PIGK: variants seen among roughly 807,000 people sequenced by gnomAD.
PIGK encodes the protein phosphatidylinositol glycan anchor biosynthesis class K.
In PIGK, 42 loss-of-function variants were observed where a neutral mutation model predicts 50.6. The observed-to-expected ratio is 0.83, with a 90% CI of 0.65 to 1.07. The LOEUF is 1.07. Ranked by LOEUF, PIGK falls within the 50% of genes least tolerant of loss-of-function variation. The pLI is 0.00. For synonymous variants in PIGK, 151 were observed against 156.0 expected, an observed-to-expected ratio of 0.97 and a Z score of 0.24; for missense variants, 448 against 488.7, an observed-to-expected ratio of 0.92 and a Z score of 0.78.
chr1:77,122,274 C>T lies in PIGK; in HGVS notation c.1071+1G>A. 1 of 1,552,248 alleles carries T rather than the reference C, an allele frequency of 6.4e-7. No individual in the cohort carries two copies. Among genetic ancestry groups the T allele is most frequent in the Non-Finnish European group, 8.9e-7 (1 of 1,126,098 alleles). The stretch of plus-strand genomic sequence containing the variant: ...TCAAAAGAATAAAATGAAATGCAAA[C>T]CTGGTGTATTATCTGAGCTACAGGA... On this transcript the variant is annotated splice_donor_variant, in intron 10 of 10. Coordinates refer to ENST00000370812, the MANE Select transcript of PIGK (RefSeq NM_005482.3). LOFTEE classifies it high-confidence loss of function.
intron 3 of PIGK, among the ~76,000 whole-genome samples, chr1:77,171,462 A>AAAAAAAAAAAAT (rs1655361548): frequency 7.0e-6 from 1 of 143,576 alleles, no homozygotes; most frequent in Admixed American, 7.0e-5. Context: ...AAAAAAAAAA[A>AAAAAAAAAAAAT]AGAATATTTC....
intron 1 of PIGK, among the ~76,000 whole-genome samples, chr1:77,212,655 T>C (rs1656447215): frequency 6.6e-6 from 1 of 151,636 alleles, no homozygotes. Flanking sequence ...GGAGCAGGAG[T>C]AGCTGTACTT....
chr1:77,200,549 C>T (rs986625230), intron 3 of PIGK, among the ~76,000 whole-genome samples: 2 of 151,868 alleles, frequency 1.3e-5, no homozygotes, highest in African/African-American at 4.8e-5. Flanking sequence ...ATATTATATA[C>T]ATTTTAGAAT....
chr1:77,140,207 G>A (rs936134035), intron 9 of PIGK, among the ~76,000 whole-genome samples: 3 of 151,944 alleles, frequency 2.0e-5, no homozygotes, highest in South Asian at 2.1e-4. Context: ...AGATATGGTC[G>A]TTTAAAAGTG....
chr1:77,202,980 C>A (rs1656202628), intron 3 of PIGK, among the ~76,000 whole-genome samples: 1 of 152,192 alleles, frequency 6.6e-6, no homozygotes, highest in Non-Finnish European at 1.5e-5. Context: ...TTCCCTCAGT[C>A]AGCCTCAATT....
chr1:77,128,835 T>C (rs1000176363), intron 9 of PIGK, among the ~76,000 whole-genome samples: 2 of 152,240 alleles, frequency 1.3e-5, no homozygotes, highest in Admixed American at 6.5e-5. Context: ...ACTAGCTTTT[T>C]TCATTCAAAT....
chr1:77,181,374 T>C lies in PIGK; in HGVS notation c.240-11979A>G, dbSNP rs939505126. On this transcript the variant is annotated intron_variant, in intron 3 of 10. Transcript: ENST00000370812. ...TCCTGGACCATTAGAGTGTGAAATTTCAAAAAACACAACTTTTCGTTTGTA... is the reference window on the plus strand; with the variant it reads ...TCCTGGACCATTAGAGTGTGAAATTCCAAAAAACACAACTTTTCGTTTGTA... Among the ~76,000 whole-genome samples, 179 of 152,266 alleles carry C rather than the reference T, an allele frequency of 1.2e-3. 1 individual carries two copies. The highest frequency in any genetic ancestry group is 3.5e-4 in the Non-Finnish European group (24 of 68,006).
In PIGK at chr1:77,182,294, G is replaced by C. The variant is rs546587146; in HGVS notation, c.240-12899C>G. Among the ~76,000 whole-genome samples the C allele has an allele frequency of 7.9e-4, 121 of 152,324 alleles. 1 individual carries two copies. The highest frequency in any genetic ancestry group is 1.5e-3 in the Non-Finnish European group (104 of 68,032). The stretch of plus-strand genomic sequence containing the variant: ...GCGCAAGGGCAGGAAGCATCCAGCA[G>C]GGGAGAAAGATGTAGTATTGGAGGC... On this transcript the variant is annotated intron_variant, in intron 3 of 10. Transcript: ENST00000370812.
chr1:77,190,288 C>T (rs1180917684), intron 3 of PIGK, among the ~76,000 whole-genome samples: 1 of 152,018 alleles, frequency 6.6e-6, no homozygotes, highest in African/African-American at 2.4e-5. Flanking sequence ...GTAGTCCTAG[C>T]TACTCAGGAG....
At chr1:77,104,499 A>C (rs540675842) in intron 10 of PIGK, among the ~76,000 whole-genome samples, 1 of 152,346 alleles carries the variant, frequency 6.6e-6, no homozygotes, top group African/African-American at 2.4e-5. Flanking sequence ...AGAACAAATA[A>C]AATAGCAATA....
intron 3 of PIGK, among the ~76,000 whole-genome samples, chr1:77,199,553 TG>T (rs1404568196): frequency 1.8e-4 from 28 of 151,930 alleles, no homozygotes. Flanking sequence ...TCACCAAATA[TG>T]ATTATCAATA....
intron 8 of PIGK, among the ~76,000 whole-genome samples, chr1:77,158,010 TTTTG>T (rs926706121): frequency 1.3e-5 from 2 of 152,026 alleles, no homozygotes; most frequent in Non-Finnish European, 2.9e-5. Flanking sequence ...TTTTTGTTAT[TTTTG>T]TTTGTTTGTT....
intron 9 of PIGK, among the ~76,000 whole-genome samples, chr1:77,124,524 G>A (rs1443343517): frequency 6.6e-6 from 1 of 151,804 alleles, no homozygotes; most frequent in Admixed American, 6.6e-5. Flanking sequence ...CAGGAGAACT[G>A]CTTGAACCCG....
intron 3 of PIGK, among the ~76,000 whole-genome samples, chr1:77,185,165 G>A (rs1455177803): frequency 6.6e-6 from 1 of 152,166 alleles, no homozygotes; most frequent in Non-Finnish European, 1.5e-5. Flanking sequence ...TGTCTACAAG[G>A]CCCACCAGAA....
intron 10 of PIGK, among the ~76,000 whole-genome samples, chr1:77,114,263 A>T (rs1292655424): frequency 6.6e-6 from 1 of 152,158 alleles, no homozygotes; most frequent in African/African-American, 2.4e-5. Context: ...AGAAGATCTT[A>T]GGCAAATTAT....
At chr1:77,152,319 C>T (rs2100549987) in intron 9 of PIGK, among the ~76,000 whole-genome samples, 1 of 152,104 alleles carries the variant, frequency 6.6e-6, no homozygotes, top group South Asian at 2.1e-4. Context: ...GAAACTAGAT[C>T]CCCAACTTTC....
chr1:77,154,731 T>A (rs1425891177), intron 8 of PIGK, 110 bp from the exon 9 acceptor site: 1 of 712,980 alleles, frequency 1.4e-6, no homozygotes, highest in African/African-American at 1.8e-5. Flanking sequence ...TCTCCCAACC[T>A]AAAGAAGCTA....
rs147495697 is a variant in PIGK, at chr1:77,159,986, A to G, written c.813+1309T>C. Among the ~76,000 whole-genome samples, 619 of 152,278 alleles carry G rather than the reference A, an allele frequency of 4.1e-3. 12 individuals carry two copies. The East Asian group carries it at 0.044, about 11-fold the overall frequency. On this transcript the variant is annotated intron_variant, in intron 8 of 10. Transcript: ENST00000370812. Reference sequence around the variant, plus strand: ...TGGGAGGGGCCAGAGGCAGAATGATATAATTTGGCTGTGTCCTCACTCAAA... The same window carrying G: ...TGGGAGGGGCCAGAGGCAGAATGATGTAATTTGGCTGTGTCCTCACTCAAA...
chr1:77,152,650 C>T (rs1472984489), intron 9 of PIGK, among the ~76,000 whole-genome samples: 1 of 150,994 alleles, frequency 6.6e-6, no homozygotes, highest in African/African-American at 2.4e-5. Context: ...TGAAACAACT[C>T]AATGGCAAAA....
Sources: allele counts gnomAD v4.1 joint callset (sites outside exome capture counted in the v4.1 genomes callset), GRCh38; gene constraint gnomAD v4.1.1; transcripts MANE v1.5; gene names NCBI Gene and HGNC (gene_info 2026-07-23, HGNC 2026-07-21).